BZW2: variants seen among roughly 807,000 people sequenced by gnomAD.
The protein encoded by BZW2 is basic leucine zipper and W2 domains 2.
In BZW2, 23 loss-of-function variants were observed where a neutral mutation model predicts 53.2. That is an observed-to-expected ratio of 0.43 (90% CI 0.31 to 0.61). The LOEUF (loss-of-function observed/expected upper bound fraction) is 0.61. BZW2 is among the 20% of genes least tolerant of loss of function. The pLI, the probability that BZW2 is intolerant of heterozygous loss-of-function variation, is 0.09. For synonymous variants in BZW2, 227 were observed against 186.4 expected (o/e 1.22, Z -1.77); for missense variants, 409 against 503.1 (o/e 0.81, Z 1.79).
At chr7:16,677,411 G>A (rs557134240) in intron 3 of BZW2, among the ~76,000 whole-genome samples, 1 of 152,228 alleles carries the variant, frequency 6.6e-6, no homozygotes, top group African/African-American at 2.4e-5. Context: ...CCTCTCAACA[G>A]GAAAACCTAA....
chr7:16,653,172 C>A (rs1782029628), intron 1 of BZW2, among the ~76,000 whole-genome samples: 1 of 152,072 alleles, frequency 6.6e-6, no homozygotes, highest in Non-Finnish European at 1.5e-5. Flanking sequence ...GGACTCATGC[C>A]CACCACCACC....
intron 1 of BZW2, among the ~76,000 whole-genome samples, chr7:16,656,653 T>C (rs1782133588): frequency 1.3e-5 from 2 of 152,122 alleles, no homozygotes; most frequent in South Asian, 4.1e-4. Flanking sequence ...TATTTAATTG[T>C]TGCAAAATGG....
chr7:16,656,135 G>T (rs762673961), intron 1 of BZW2, among the ~76,000 whole-genome samples: 3 of 140,510 alleles, frequency 2.1e-5, no homozygotes, highest in Non-Finnish European at 3.0e-5. Flanking sequence ...ATATATAAAT[G>T]ACTATATATA....
intron 3 of BZW2, among the ~76,000 whole-genome samples, chr7:16,679,405 A>G (rs1782871515): frequency 6.6e-6 from 1 of 152,232 alleles, no homozygotes; most frequent in Admixed American, 6.5e-5. Context: ...CCAGGTGGTT[A>G]TATTCATTTA....
intron 6 of BZW2, chr7:16,686,261 G>A (rs1783122988): frequency 1.8e-6 from 1 of 569,032 alleles, no homozygotes; most frequent in Non-Finnish European, 2.9e-6. Context: ...CCTGTACAAA[G>A]ACATATTAAG....
chr7:16,651,425 G>C (rs1214294013), intron 1 of BZW2, among the ~76,000 whole-genome samples: 1 of 152,178 alleles, frequency 6.6e-6, no homozygotes, highest in Non-Finnish European at 1.5e-5. Context: ...CCACACAGAA[G>C]ACTTTAATGG....
chr7:16,698,207 G>C (rs767127508), intron 10 of BZW2, 21 bp downstream of exon 10: 83 of 1,613,700 alleles, frequency 5.1e-5, no homozygotes. Flanking sequence ...ACGTGCCACT[G>C]CTGTGCTTCT....
chr7:16,684,410 G>T (rs899771842), intron 5 of BZW2, among the ~76,000 whole-genome samples: 1 of 152,152 alleles, frequency 6.6e-6, no homozygotes. Context: ...CAATATGTGT[G>T]TATACATGTA....
At chr7:16,692,320 G>A (rs1268008999) in intron 7 of BZW2, among the ~76,000 whole-genome samples, 2 of 152,072 alleles carry the variant, frequency 1.3e-5, no homozygotes, top group African/African-American at 2.4e-5. Context: ...AGTATGTATC[G>A]ATTATATTAT....
intron 1 of BZW2, among the ~76,000 whole-genome samples, chr7:16,656,150 T>TATATATATATATATATATATATAC (rs143994492): frequency 1.3e-3 from 194 of 150,230 alleles, no homozygotes; most frequent in African/African-American, 4.3e-3. Flanking sequence ...TATATATATA[T>TATATATATATATATATATATATAC]ACATAAATAT....
chr7:16,653,048 G>A (rs1782027012), intron 1 of BZW2, among the ~76,000 whole-genome samples: 1 of 152,084 alleles, frequency 6.6e-6, no homozygotes, highest in Non-Finnish European at 1.5e-5. Flanking sequence ...GTGTGTGTGT[G>A]TGTGTGTGTA....
chr7:16,674,400 G>T lies in BZW2; in HGVS notation c.59-12G>T. 1 of 1,559,978 alleles carries T rather than the reference G, an allele frequency of 6.4e-7. No individual in the cohort carries two copies. The highest frequency in any genetic ancestry group is 8.7e-7 in the Non-Finnish European group (1 of 1,149,546). On this transcript the variant is annotated splice_polypyrimidine_tract_variant and intron_variant, in intron 2 of 11. Transcript: ENST00000258761. ...ATTTATTTGACTGTTATTTTGAATTGTTTTATTTTAGATGAAAAAGAGAAA... is the reference window on the plus strand; with the variant it reads ...ATTTATTTGACTGTTATTTTGAATTTTTTTATTTTAGATGAAAAAGAGAAA...
At chr7:16,704,795 C>G in intron 11 of BZW2, 126 bp downstream of exon 11, 1 of 1,039,984 alleles carries the variant, frequency 9.6e-7, no homozygotes, top group Non-Finnish European at 1.3e-6. Flanking sequence ...TCTTTCGTAT[C>G]AAACATTTTG....
rs1231801466 is a variant in BZW2, at chr7:16,706,391, G to A, written c.*303G>A. 2.7e-5 allele frequency: 8 copies of A among 290,956 alleles called. No homozygotes were observed. In the South Asian group the frequency reaches 5.4e-4, roughly 20 times the overall value. The allele number at this position is 290,956 out of a possible 1,614,324, so 18.0% of individuals were successfully genotyped here. On this transcript the variant is annotated 3_prime_UTR_variant, in exon 12 of 12. Coordinates refer to ENST00000258761, the MANE Select transcript of BZW2 (RefSeq NM_014038.3). ...TCAACAGACTCCTCCTTTTTTAGCT[G>A]TATTTTTCAGGTACTGTGTGGTGAC...
At chr7:16,692,064 T>G (rs1449125669) in intron 7 of BZW2, among the ~76,000 whole-genome samples, 1 of 152,184 alleles carries the variant, frequency 6.6e-6, no homozygotes, top group Non-Finnish European at 1.5e-5. Flanking sequence ...GTTCCACTCT[T>G]TAGGAGGAAA....
rs369047614 is a variant in BZW2, at chr7:16,686,130, T to C, written c.541+90T>C. 2.3e-4 allele frequency: 353 copies of C among 1,523,936 alleles called. 1 individual carries two copies. In the African/African-American group the frequency reaches 3.9e-3, roughly 17 times the overall value. The allele number at this position is 1,523,936 out of a possible 1,614,324, so 94.4% of individuals were successfully genotyped here. A position where few individuals can be genotyped will look rare whatever the true frequency, so the allele number is the denominator to read the frequency against. On this transcript the variant is annotated intron_variant, in intron 6 of 11. Transcript: ENST00000258761. ...GAAAAATGCCAGTGGCTCTTTTTGGTGTCCTCTATTACTCATTCTTCATTT... is the reference window on the plus strand; with the variant it reads ...GAAAAATGCCAGTGGCTCTTTTTGGCGTCCTCTATTACTCATTCTTCATTT...
At chr7:16,703,216 C>T (rs1283046587) in intron 10 of BZW2, among the ~76,000 whole-genome samples, 1 of 152,154 alleles carries the variant, frequency 6.6e-6, no homozygotes, top group East Asian at 1.9e-4. Flanking sequence ...CTGATTGTAG[C>T]TCTTACATCC....
intron 3 of BZW2, 126 bp downstream of exon 3, chr7:16,674,714 G>A: frequency 3.4e-6 from 3 of 872,986 alleles, no homozygotes; most frequent in Non-Finnish European, 4.7e-6. Context: ...ACAAATGGAA[G>A]CCTATAATTT....
In BZW2 at chr7:16,694,770, T is replaced by G. The variant is rs1056912281; in HGVS notation, c.652-64T>G. 9.2e-6 allele frequency: 12 copies of G among 1,308,600 alleles called. No homozygotes were observed. The African/African-American group carries it at 1.6e-4, about 17-fold the overall frequency. The allele number at this position is 1,308,600 out of a possible 1,614,324, so 81.1% of individuals were successfully genotyped here. A position where few individuals can be genotyped will look rare whatever the true frequency, so the allele number is the denominator to read the frequency against. ...ATATTCTAAGTGAAATGAAGACTTTTGTCCTTTATGCTTGCTGAAATTTGA... is the reference window on the plus strand; with the variant it reads ...ATATTCTAAGTGAAATGAAGACTTTGGTCCTTTATGCTTGCTGAAATTTGA... On this transcript the variant is annotated intron_variant, in intron 7 of 11. Transcript: ENST00000258761.
Sources: allele counts gnomAD v4.1 joint callset (sites outside exome capture counted in the v4.1 genomes callset), GRCh38; gene constraint gnomAD v4.1.1; transcripts MANE v1.5; gene names NCBI Gene and HGNC (gene_info 2026-07-23, HGNC 2026-07-21).